The following ELAVL4 variants were observed in gnomAD, a reference collection of about 807,000 sequenced individuals.
ELAVL4 encodes the protein ELAV-like protein 4.
A neutral mutation model predicts 35.6 loss-of-function variants in ELAVL4; 1 was observed. The observed-to-expected ratio is 0.03, with a 90% CI of 0.01 to 0.13. The LOEUF (loss-of-function observed/expected upper bound fraction) is 0.13, where lower values mean the gene tolerates loss of function less well. ELAVL4 is among the 10% of genes least tolerant of loss of function. The probability of loss-of-function intolerance (pLI) is 1.00; values close to 1 mark genes in which losing one functional copy is unlikely to be tolerated. For synonymous variants in ELAVL4, 156 were observed against 171.0 expected, an observed-to-expected ratio of 0.91 and a Z score of 0.69; for missense variants, 267 against 464.9, an observed-to-expected ratio of 0.57 and a Z score of 3.91.
At chr1:50,086,714 CT>C (rs765264203) in intron 1 of ELAVL4, among the ~76,000 whole-genome samples, 42 of 152,198 alleles carry the variant, frequency 2.8e-4, no homozygotes, top group Middle Eastern at 6.8e-3. Context: ...CTTTCCAACC[CT>C]TGCCTCCTAC....
intron 4 of ELAVL4, among the ~76,000 whole-genome samples, chr1:50,194,760 G>C (rs1264053883): frequency 6.6e-6 from 1 of 152,132 alleles, no homozygotes; most frequent in Non-Finnish European, 1.5e-5. Flanking sequence ...GCCATGCCTG[G>C]TGGGAATTGC....
At chr1:50,128,015 G>A (rs1670238574) in intron 1 of ELAVL4, among the ~76,000 whole-genome samples, 1 of 152,110 alleles carries the variant, frequency 6.6e-6, no homozygotes, top group South Asian at 2.1e-4. Context: ...CTTTGGCTTT[G>A]GCTTTGTGAC....
At chr1:50,152,790 A>T (rs2148719698) in intron 2 of ELAVL4, among the ~76,000 whole-genome samples, 1 of 152,246 alleles carries the variant, frequency 6.6e-6, no homozygotes, top group Middle Eastern at 3.4e-3. Context: ...CCCAAAATTG[A>T]GCTTTGATAG....
chr1:50,159,795 G>A (rs1002483316), intron 2 of ELAVL4, among the ~76,000 whole-genome samples: 13 of 152,254 alleles, frequency 8.5e-5, no homozygotes, highest in African/African-American at 3.1e-4. Flanking sequence ...AAATTTGAGG[G>A]TGGGAGACAA....
chr1:50,159,685 T>C (rs932553973), intron 2 of ELAVL4, among the ~76,000 whole-genome samples: 4 of 152,072 alleles, frequency 2.6e-5, no homozygotes, highest in Admixed American at 2.6e-4. Context: ...TGAAAAGGAA[T>C]GGCATAATAT....
Position 50,193,767 on chromosome 1 carries a change from C to T in ELAVL4, c.357C>T (p.Val119=), listed in dbSNP as rs754521558. Residue 119 remains valine, a splice_region_variant and synonymous_variant, in exon 4 of 7, where the codon GTC becomes GTT. Transcript: ENST00000371824. ...TAGCTCCTCTTGCCTTTTCCTAGGT[C>T]TCATATGCCCGTCCGAGCTCTGCCT... ...GLRLQTKTIK[V]SYARPSSASI... is the part of the protein sequence containing the mutation. 3 of 1,612,552 alleles carry T rather than the reference C, an allele frequency of 1.9e-6. No individual in the cohort carries two copies. The highest frequency in any genetic ancestry group is 1.7e-5 in the Admixed American group (1 of 59,684).
chr1:50,197,485 G>A lies in ELAVL4; in HGVS notation c.773+18G>A. 2 of 1,562,476 alleles carry A rather than the reference G, an allele frequency of 1.3e-6. No individual in the cohort carries two copies. Among genetic ancestry groups the A allele is most frequent in the Non-Finnish European group, 1.7e-6 (2 of 1,158,208 alleles). On this transcript the variant is annotated intron_variant, in intron 6 of 6. Coordinates refer to ENST00000371824, the MANE Select transcript of ELAVL4 (RefSeq NM_001144774.3). ...GTAAAGAGGTAATTAAAACTCCACA[G>A]ATTGCCAGATGTCCATGTTGGCACA...
At chr1:50,050,133 T>G (rs1663277264) in intron 1 of ELAVL4, among the ~76,000 whole-genome samples, 1 of 152,266 alleles carries the variant, frequency 6.6e-6, no homozygotes, top group Non-Finnish European at 1.5e-5. Flanking sequence ...TCCTGCCACT[T>G]TTTTCGCCAT....
intron 1 of ELAVL4, among the ~76,000 whole-genome samples, chr1:50,134,320 G>T (rs17105945): frequency 6.6e-6 from 1 of 152,224 alleles, no homozygotes; most frequent in East Asian, 1.9e-4. Flanking sequence ...GGAAAGATAA[G>T]TCTGGCTTAA....
chr1:50,062,962 C>G (rs933151475), intron 1 of ELAVL4, among the ~76,000 whole-genome samples: 3 of 152,170 alleles, frequency 2.0e-5, no homozygotes, highest in African/African-American at 7.2e-5. Context: ...GGCCCAGTGC[C>G]AGGTTCTGTT....
chr1:50,144,798 A>G (rs1673403975), intron 1 of ELAVL4, 159 bp from the exon 2 acceptor site: 1 of 1,142,652 alleles, frequency 8.8e-7, no homozygotes, highest in Non-Finnish European at 1.3e-6. Flanking sequence ...ATTTTGGTTA[A>G]AAACATGCTT....
At chr1:50,162,431 T>C (rs1676963765) in intron 2 of ELAVL4, among the ~76,000 whole-genome samples, 1 of 152,204 alleles carries the variant, frequency 6.6e-6, no homozygotes, top group African/African-American at 2.4e-5. Context: ...ATACCTACTG[T>C]AGGCCAGGCA....
chr1:50,136,705 A>T (rs1409412873), intron 1 of ELAVL4, among the ~76,000 whole-genome samples: 1 of 152,146 alleles, frequency 6.6e-6, no homozygotes, highest in Non-Finnish European at 1.5e-5. Flanking sequence ...CTGACTTTTA[A>T]AGGTAGCTGA....
chr1:50,156,027 GCACGCACACA>G (rs1557797206), intron 2 of ELAVL4, among the ~76,000 whole-genome samples: 1 of 142,888 alleles, frequency 7.0e-6, no homozygotes, highest in East Asian at 2.3e-4. Context: ...GCGTGCACAG[GCACGCACACA>G]CACACACACA....
upstream of ELAVL4, among the ~76,000 whole-genome samples, chr1:50,099,560 C>CAA (rs750905424): frequency 1.3e-3 from 74 of 56,224 alleles, no homozygotes; most frequent in African/African-American, 2.3e-3. Flanking sequence ...AACTCCGCCT[C>CAA]AAAAAAAAAA....
intron 2 of ELAVL4, among the ~76,000 whole-genome samples, chr1:50,172,859 G>T (rs1476888048): frequency 2.0e-5 from 3 of 152,180 alleles, no homozygotes; most frequent in Non-Finnish European, 2.9e-5. Context: ...TCTGTGGAAA[G>T]GTGGATAAGG....
intron 1 of ELAVL4, among the ~76,000 whole-genome samples, chr1:50,120,336 T>A (rs1668817801): frequency 6.6e-6 from 1 of 151,836 alleles, no homozygotes. Context: ...GAATTCCACA[T>A]GGAGAGAATC....
At chr1:50,052,152 A>G (rs1332888129) in intron 1 of ELAVL4, among the ~76,000 whole-genome samples, 1 of 152,220 alleles carries the variant, frequency 6.6e-6, no homozygotes, top group Non-Finnish European at 1.5e-5. Flanking sequence ...TTAGCCAGTA[A>G]CACATGGTTT....
intron 1 of ELAVL4, among the ~76,000 whole-genome samples, chr1:50,138,595 G>A (rs1672289994): frequency 6.6e-6 from 1 of 152,194 alleles, no homozygotes; most frequent in South Asian, 2.1e-4. Flanking sequence ...AAGTTGCTGG[G>A]ATTACAGGCA....
Sources: allele counts gnomAD v4.1 joint callset (sites outside exome capture counted in the v4.1 genomes callset), GRCh38; gene constraint gnomAD v4.1.1; transcripts MANE v1.5; gene names NCBI Gene and HGNC (gene_info 2026-07-23, HGNC 2026-07-21).